The following PALB2 variants were observed in gnomAD, a reference collection of about 807,000 sequenced individuals.
PALB2 encodes the protein partner and localizer of BRCA2.
A neutral mutation model predicts 107.4 loss-of-function variants in PALB2; 82 were observed. That is an observed-to-expected ratio of 0.76 (90% CI 0.64 to 0.92). The LOEUF is 0.92. PALB2 is among the 40% of genes least tolerant of loss of function. The pLI, the probability that PALB2 is intolerant of heterozygous loss-of-function variation, is 0.00. For synonymous variants in PALB2, 489 were observed against 496.8 expected (o/e 0.98, Z 0.21); for missense variants, 1,374 against 1,379.9 (o/e 1.00, Z 0.07).
chr16:23,635,718 G>C lies in PALB2; in HGVS notation c.828C>G (p.His276Gln), dbSNP rs911713488. 1 of 1,614,104 alleles carries C rather than the reference G, an allele frequency of 6.2e-7. No homozygotes were observed. The highest frequency in any genetic ancestry group is 8.5e-7 in the Non-Finnish European group (1 of 1,180,014). ...PPKGSSELTT[H>Q]DLKNIRFTSP... The stretch of plus-strand genomic sequence containing the variant: ...AAGTAAATCTAATGTTTTTTAGGTC[G>C]TGAGTAGTAAGTTCACTGCTACCTT... The change falls in exon 4 of 13, where the codon CAC (histidine) becomes CAG (glutamine). Residue 276 changes from histidine to glutamine, a missense_variant. Physicochemically the swap from His to Gln is conservative, Grantham distance 24 (BLOSUM62 0). Coordinates refer to ENST00000261584, the MANE Select transcript of PALB2 (RefSeq NM_024675.4).
In PALB2 at chr16:23,629,369, T is replaced by C. The variant is rs1232300525; in HGVS notation, c.2515-94A>G. 10 of 1,159,568 alleles carry C rather than the reference T, an allele frequency of 8.6e-6. No homozygotes were observed. The East Asian group carries it at 2.3e-4, about 27-fold the overall frequency. 71.8% of individuals were successfully genotyped at this position (1,159,568 alleles called of 1,614,324 possible). ...TCAAAATGTCTACTTCGTATTGTCT[T>C]TATTTCCTCTTATAACAGCAGCAAA... On this transcript the variant is annotated intron_variant, in intron 5 of 12. Coordinates refer to ENST00000261584, the MANE Select transcript of PALB2 (RefSeq NM_024675.4).
At chr16:23,616,202 C>T (rs561880342) in intron 10 of PALB2, among the ~76,000 whole-genome samples, 4 of 152,118 alleles carry the variant, frequency 2.6e-5, no homozygotes, top group African/African-American at 7.2e-5. Flanking sequence ...TATCCCACCC[C>T]CTCCAAGCTG....
intron 12 of PALB2, among the ~76,000 whole-genome samples, chr16:23,607,620 A>C (rs1232802053): frequency 6.6e-6 from 1 of 152,032 alleles, no homozygotes; most frequent in African/African-American, 2.4e-5. Context: ...AGGGGAAAAA[A>C]CAGGGCTTGA....
intron 11 of PALB2, 109 bp from the exon 12 acceptor site, chr16:23,608,121 G>T: frequency 8.4e-7 from 1 of 1,184,122 alleles, no homozygotes. Flanking sequence ...TGACCGATAG[G>T]CTCTGAAGTA....
rs1042240098 is a variant in PALB2, at chr16:23,625,683, G to A, written c.2748+553C>T. Reference sequence around the variant, plus strand: ...ATGGTGGTGGGCACCTGTAATCCCAGCTACTCAGGAGGCTGAGGCACAAGA... The same window carrying A: ...ATGGTGGTGGGCACCTGTAATCCCAACTACTCAGGAGGCTGAGGCACAAGA... On this transcript the variant is annotated intron_variant, in intron 7 of 12. Coordinates refer to ENST00000261584, the MANE Select transcript of PALB2 (RefSeq NM_024675.4). 2.0e-5 allele frequency among the ~76,000 whole-genome samples: 3 copies of A among 152,078 alleles called. No homozygotes were observed. In the East Asian group the frequency reaches 5.8e-4, roughly 29 times the overall value.
chr16:23,619,907 G>C (rs1242042404), intron 10 of PALB2, among the ~76,000 whole-genome samples: 1 of 152,014 alleles, frequency 6.6e-6, no homozygotes, highest in African/African-American at 2.4e-5. Flanking sequence ...AGCCTCCTGA[G>C]TAGCTGGAAT....
Position 23,629,760 on chromosome 16 carries a change from A to G in PALB2, c.2394T>C (p.Pro798=). 6.2e-7 allele frequency: 1 copy of G among 1,614,226 alleles called. No individual in the cohort carries two copies. The highest frequency in any genetic ancestry group is 1.3e-5 in the African/African-American group (1 of 75,060). Residue 798 remains proline, a synonymous_variant, in exon 5 of 13, where the codon CCT becomes CCC. Coordinates refer to ENST00000261584, the MANE Select transcript of PALB2 (RefSeq NM_024675.4). ...GCGGGACAGAGTCACAGTCACAGGT[A>G]GGTTGTCCTTGCCTGCCTGACACTT... ...TLQVSGRQGQ[P]TCDCDSVPPG...
intron 12 of PALB2, 118 bp from the exon 13 acceptor site, chr16:23,603,787 T>C: frequency 1.2e-6 from 1 of 844,776 alleles, no homozygotes; most frequent in Non-Finnish European, 1.9e-6. Context: ...TCCCTGTAAC[T>C]ATGAATGCCT....
At chr16:23,613,137 ATC>A (rs1220920133) in intron 11 of PALB2, among the ~76,000 whole-genome samples, 1 of 152,128 alleles carries the variant, frequency 6.6e-6, no homozygotes, top group African/African-American at 2.4e-5. Context: ...CACCTCGAGA[ATC>A]TATCATTTCT....
chr16:23,620,510 A>C (rs1029072290), intron 10 of PALB2, among the ~76,000 whole-genome samples: 11 of 151,920 alleles, frequency 7.2e-5, no homozygotes, highest in African/African-American at 2.4e-4. Flanking sequence ...AAAGGGAGAA[A>C]CCCCTCCAGT....
intron 11 of PALB2, among the ~76,000 whole-genome samples, chr16:23,612,056 T>C (rs1454435316): frequency 6.6e-6 from 1 of 152,350 alleles, no homozygotes; most frequent in African/African-American, 2.4e-5. Flanking sequence ...CTCTGGATGC[T>C]GATCCTCTCA....
Position 23,635,077 on chromosome 16 carries a change from GGA to G in PALB2, c.1467_1468del (p.Pro490ArgfsTer5), listed in dbSNP as rs879253960. On this transcript the variant is annotated frameshift_variant, in exon 4 of 13. Coordinates refer to ENST00000261584, the MANE Select transcript of PALB2 (RefSeq NM_024675.4). LOFTEE classifies it high-confidence loss of function. ...GTCATTATCTTCAGTGGGCCCAGCG[GGA>G]GAGCTGACTTTAGTTAATGAGAGAA... is the stretch of plus-strand genomic sequence containing the variant. The G allele has an allele frequency of 6.2e-7, 1 of 1,614,138 alleles. No homozygotes were observed. Among genetic ancestry groups the G allele is most frequent in the Non-Finnish European group, 8.5e-7 (1 of 1,180,010 alleles).
chr16:23,630,243 G>A lies in PALB2; in HGVS notation c.1911C>T (p.Pro637=), dbSNP rs1567218530. ...VKSCSEKPVE[P]FESKMFGERH... Reference sequence around the variant, plus strand: ...TCTCTCCAAACATTTTTGACTCAAAGGGCTCCACTGGTTTTTCTGAGCAGG... The same window carrying A: ...TCTCTCCAAACATTTTTGACTCAAAAGGCTCCACTGGTTTTTCTGAGCAGG... Residue 637 remains proline (P), a synonymous_variant, in exon 5 of 13, where the codon CCC becomes CCT. Coordinates refer to ENST00000261584, the MANE Select transcript of PALB2 (RefSeq NM_024675.4). 1 of 1,614,120 alleles carries A rather than the reference G, an allele frequency of 6.2e-7. No individual in the cohort carries two copies. Among genetic ancestry groups the A allele is most frequent in the East Asian group, 2.2e-5 (1 of 44,884 alleles).
At chr16:23,627,415 A>G (rs1314592534) in intron 6 of PALB2, among the ~76,000 whole-genome samples, 1 of 151,090 alleles carries the variant, frequency 6.6e-6, no homozygotes, top group Non-Finnish European at 1.5e-5. Flanking sequence ...TGAACCCGGG[A>G]AGCGGAGCTT....
intron 10 of PALB2, chr16:23,617,948 A>C (rs1433875235): frequency 6.6e-6 from 1 of 151,998 alleles, no homozygotes; most frequent in East Asian, 1.9e-4. Flanking sequence ...CTTAAGTCCA[A>C]AAGTTCAAGA....
rs587780221 is a variant in PALB2, at chr16:23,635,975, G to C, written c.571C>G (p.Pro191Ala). 2 of 1,614,090 alleles carry C rather than the reference G, an allele frequency of 1.2e-6. No homozygotes were observed. The highest frequency in any genetic ancestry group is 1.7e-6 in the Non-Finnish European group (2 of 1,180,028). ...AGGTGAGTTCTTATTTCAGTTACTG[G>C]TGATCTAGCAGGATTTTTGCTACTG... ...EISSKNPARS[P>A]VTEIRTHLLS... The change falls in exon 4 of 13, where the codon CCA becomes GCA. Residue 191 changes from proline to alanine, a missense_variant. By Grantham distance (27) the Pro-to-Ala change is conservative. Coordinates refer to ENST00000261584, the MANE Select transcript of PALB2 (RefSeq NM_024675.4).
intron 12 of PALB2, among the ~76,000 whole-genome samples, chr16:23,604,882 T>C (rs1966438765): frequency 6.6e-6 from 1 of 152,122 alleles, no homozygotes; most frequent in African/African-American, 2.4e-5. Context: ...ACGACTAGCC[T>C]GGCCAACATG....
At position 23,630,214 on chromosome 16, in the gene PALB2, T is replaced by A. The variant is rs1055533509; in HGVS notation, c.1940A>T (p.His647Leu). 6.2e-7 allele frequency: 1 copy of A among 1,614,172 alleles called. No individual in the cohort carries two copies. Among genetic ancestry groups the A allele is most frequent in the Admixed American group, 1.7e-5 (1 of 60,012 alleles). Residue 647 changes from histidine to leucine, a missense_variant, in exon 5 of 13, where the codon CAT becomes CTT. His to Leu is a moderately conservative substitution (Grantham distance 99). Coordinates refer to ENST00000261584, the MANE Select transcript of PALB2 (RefSeq NM_024675.4). Reference protein sequence around the residue: ...PFESKMFGERHLKEGSCIFPE... With the variant: ...PFESKMFGERLLKEGSCIFPE... ...AAAAATACAGCTTCCCTCTTTAAGATGTCTCTCTCCAAACATTTTTGACTC... is the reference window on the plus strand; with the variant it reads ...AAAAATACAGCTTCCCTCTTTAAGAAGTCTCTCTCCAAACATTTTTGACTC...
At chr16:23,638,723 A>G in intron 1 of PALB2, 1 of 355,238 alleles carries the variant, frequency 2.8e-6, no homozygotes, top group South Asian at 2.1e-5. Flanking sequence ...CAAGGTAAAA[A>G]AATACACAGA....
Sources: allele counts gnomAD v4.1 joint callset (sites outside exome capture counted in the v4.1 genomes callset), GRCh38; gene constraint gnomAD v4.1.1; transcripts MANE v1.5; gene names NCBI Gene and HGNC (gene_info 2026-07-23, HGNC 2026-07-21).